FDFT1: variants seen among roughly 807,000 people sequenced by gnomAD.
FDFT1 encodes the protein squalene synthase.
A neutral mutation model predicts 46.8 loss-of-function variants in FDFT1; 68 were observed. The observed-to-expected ratio is 1.45, with a 90% confidence interval of 1.19 to 1.78. FDFT1 has a LOEUF of 1.78. Among genes scored for constraint, FDFT1 ranks in the 40% most tolerant of loss-of-function variants. FDFT1 has a pLI of 0.00. For missense variants in FDFT1, 928 were observed against 524.4 expected, an observed-to-expected ratio of 1.77 and a Z score of -7.52; for synonymous variants, 351 against 185.1, an observed-to-expected ratio of 1.90 and a Z score of -7.28.
At chr8:11,826,418 T>C (rs1810004099) in intron 5 of FDFT1, among the ~76,000 whole-genome samples, 1 of 152,220 alleles carries the variant, frequency 6.6e-6, no homozygotes, top group African/African-American at 2.4e-5. Context: ...GTAATCAGTA[T>C]ATTCAAGCCT....
In FDFT1 at chr8:11,838,456, G is replaced by A; in HGVS notation, c.1101G>A (p.Arg367=). The A allele has an allele frequency of 7.5e-6, 12 of 1,608,090 alleles. No individual in the cohort carries two copies. Among genetic ancestry groups the A allele is most frequent in the Non-Finnish European group, 1.0e-5 (12 of 1,176,658 alleles). The change falls in exon 8 of 8, where the codon CGG becomes CGA. Residue 367 remains arginine, a synonymous_variant. Transcript: ENST00000220584. ...CAAGGCAGATCATCTCCACCATCCG[G>A]ACGCAGAATCTTCCCAACTGTCAGC... ...SKTRQIISTI[R]TQNLPNCQLI...
At chr8:11,827,963 A>G (rs1479641048) in intron 5 of FDFT1, among the ~76,000 whole-genome samples, 1 of 152,092 alleles carries the variant, frequency 6.6e-6, no homozygotes, top group African/African-American at 2.4e-5. Context: ...GCACTTTGGG[A>G]AGCCCAGGTG....
rs138522229 is a variant in FDFT1 at position 11,833,013 on chromosome 8, C to A, written c.1032+1343C>A. On this transcript the variant is annotated intron_variant, in intron 7 of 7. Transcript: ENST00000220584. ...TTTCTCTTGCATATTGCACATTCTTCTTATACTTCCTCCCTACCTTTATCT... is the reference window on the plus strand; with the variant it reads ...TTTCTCTTGCATATTGCACATTCTTATTATACTTCCTCCCTACCTTTATCT... Among the ~76,000 whole-genome samples, 21 of 152,286 alleles carry A rather than the reference C, an allele frequency of 1.4e-4. No individual in the cohort carries two copies. In the East Asian group the frequency reaches 4.0e-3, roughly 29 times the overall value.
At chr8:11,832,545 TTG>T (rs1810945388) in intron 7 of FDFT1, among the ~76,000 whole-genome samples, 1 of 29,478 alleles carries the variant, frequency 3.4e-5, no homozygotes, top group African/African-American at 6.9e-5. Flanking sequence ...GAGTGAGACT[TTG>T]TCTCAAAAAA....
In FDFT1 at chr8:11,826,069, C is replaced by A. The variant is rs773242239; in HGVS notation, c.556C>A (p.Leu186Ile). 1.2e-6 allele frequency: 2 copies of A among 1,605,376 alleles called. No individual in the cohort carries two copies. The highest frequency in any genetic ancestry group is 1.7e-6 in the Non-Finnish European group (2 of 1,173,252). ...GCTGGTCGGAATTGGCCTTTCCCGT[C>A]TTTTCTCAGCCTCAGAGTTTGAAGA... ...AGLVGIGLSR[L>I]FSASEFEDPL... The change falls in exon 5 of 8, where the codon CTT becomes ATT. Residue 186 changes from leucine to isoleucine, a missense_variant. Transcript: ENST00000220584.
chr8:11,797,413 G>T (rs969919636), upstream of FDFT1, among the ~76,000 whole-genome samples: 10 of 152,240 alleles, frequency 6.6e-5, no homozygotes, highest in Middle Eastern at 3.4e-3. Flanking sequence ...TAACATGTCT[G>T]TTTCTTCCTC....
Position 11,826,212 on chromosome 8 carries a change from A to G in FDFT1, c.699A>G (p.Gln233=), listed in dbSNP as rs1585968630. ...DQQGGREFWP[Q]EVWSRYVKKL... Reference sequence around the variant, plus strand: ...AAGGAGGAAGAGAGTTCTGGCCTCAAGAGGTAACAGATTCAGGGTATTTTG... The same window carrying G: ...AAGGAGGAAGAGAGTTCTGGCCTCAGGAGGTAACAGATTCAGGGTATTTTG... The change falls in exon 5 of 8, where the codon CAA becomes CAG. Residue 233 remains glutamine, a synonymous_variant. Coordinates refer to ENST00000220584, the MANE Select transcript of FDFT1 (RefSeq NM_004462.5). The G allele has an allele frequency of 1.3e-6, 2 of 1,532,504 alleles. No homozygotes were observed. Among genetic ancestry groups the G allele is most frequent in the Non-Finnish European group, 1.8e-6 (2 of 1,125,668 alleles). 94.9% of individuals were successfully genotyped at this position (1,532,504 alleles called of 1,614,324 possible). A position where few individuals can be genotyped will look rare whatever the true frequency, so the allele number is the denominator to read the frequency against.
Position 11,803,259 on chromosome 8 carries a change from A to G in FDFT1, c.99+328A>G, listed in dbSNP as rs542070970. 4.7e-5 allele frequency: 63 copies of G among 1,349,040 alleles called. No individual in the cohort carries two copies. The South Asian group carries it at 6.0e-4, about 13-fold the overall frequency. The allele number at this position is 1,349,040 out of a possible 1,614,324, so 83.6% of individuals were successfully genotyped here. Reference sequence around the variant, plus strand: ...ACCCGAGGGTTACACATCTGAGGCAATGTGGGTGGGTTACGCGGGAGAGGA... The same window carrying G: ...ACCCGAGGGTTACACATCTGAGGCAGTGTGGGTGGGTTACGCGGGAGAGGA... On this transcript the variant is annotated intron_variant, in intron 1 of 7. Transcript: ENST00000220584.
chr8:11,795,644 T>G (rs1400135226), exon 1 of FDFT1: 1 of 151,792 alleles, frequency 6.6e-6, no homozygotes, highest in Non-Finnish European at 1.5e-5. Flanking sequence ...TAAATTTTAA[T>G]ACTTGTCTGT....
intron 7 of FDFT1, among the ~76,000 whole-genome samples, chr8:11,835,078 G>A (rs558064220): frequency 1.3e-5 from 2 of 152,252 alleles, no homozygotes; most frequent in Non-Finnish European, 1.5e-5. Context: ...GAGCTGAGAT[G>A]GCACCACTGC....
chr8:11,804,882 T>G (rs927928342), intron 1 of FDFT1, among the ~76,000 whole-genome samples: 10 of 151,208 alleles, frequency 6.6e-5, no homozygotes, highest in Non-Finnish European at 2.9e-5. Context: ...GTGCTAGGAT[T>G]ACAGGCGTGA....
At chr8:11,829,359 C>G (rs1270738101) in intron 5 of FDFT1, among the ~76,000 whole-genome samples, 1 of 152,204 alleles carries the variant, frequency 6.6e-6, no homozygotes, top group African/African-American at 2.4e-5. Flanking sequence ...TAAAAATCAT[C>G]AAGCCGAATC....
chr8:11,838,829 C>T lies in FDFT1; in HGVS notation c.*220C>T, dbSNP rs977470363. 4 of 561,124 alleles carry T rather than the reference C, an allele frequency of 7.1e-6. No homozygotes were observed. Among genetic ancestry groups the T allele is most frequent in the African/African-American group, 3.8e-5 (2 of 53,110 alleles). 34.8% of individuals were successfully genotyped at this position (561,124 alleles called of 1,614,324 possible). On this transcript the variant is annotated 3_prime_UTR_variant, in exon 8 of 8. Transcript: ENST00000220584. The stretch of plus-strand genomic sequence containing the variant: ...GCAACCTGTCCTTGTGGGTGATGAT[C>T]ACTGTGCTGCTTGTGGCTCATGGCA...
chr8:11,831,809 T>A, intron 7 of FDFT1, 139 bp downstream of exon 7: 1 of 744,348 alleles, frequency 1.3e-6, no homozygotes, highest in Non-Finnish European at 2.2e-6. Context: ...ATTGATATCC[T>A]TTATAAGGAA....
At chr8:11,808,556 C>G (rs961756590) in intron 1 of FDFT1, 5 of 1,367,740 alleles carry the variant, frequency 3.7e-6, no homozygotes, top group African/African-American at 1.5e-5. Context: ...CCATGGCCCT[C>G]TTCAAGCGCA....
intron 5 of FDFT1, 38 bp downstream of exon 5, chr8:11,826,253 A>C: frequency 1.4e-6 from 2 of 1,409,224 alleles, no homozygotes; most frequent in Non-Finnish European, 9.5e-7. Flanking sequence ...AAATAACTTT[A>C]GACATTCTCT....
chr8:11,814,076 C>G (rs1381054140), intron 3 of FDFT1, among the ~76,000 whole-genome samples: 1 of 152,140 alleles, frequency 6.6e-6, no homozygotes. Flanking sequence ...AAGCTCCTTC[C>G]CACCCTCATT....
In FDFT1 at chr8:11,808,910, G is replaced by C; in HGVS notation, c.197+19G>C. ...AAATGCGGTGAGTGATGGAGGCAGC[G>C]CCTCTGGCTTGGAGGAAAGCTTGTC... On this transcript the variant is annotated intron_variant, in intron 2 of 7. Coordinates refer to ENST00000220584, the MANE Select transcript of FDFT1 (RefSeq NM_004462.5). 2 of 1,609,962 alleles carry C rather than the reference G, an allele frequency of 1.2e-6. No individual in the cohort carries two copies. The highest frequency in any genetic ancestry group is 1.7e-6 in the Non-Finnish European group (2 of 1,178,146).
intron 4 of FDFT1, among the ~76,000 whole-genome samples, chr8:11,824,333 T>C (rs1485319794): frequency 2.0e-5 from 3 of 152,236 alleles, no homozygotes; most frequent in Admixed American, 6.5e-5. Context: ...AAAAAGTATT[T>C]GGCAATTAAG....
Sources: allele counts gnomAD v4.1 joint callset (sites outside exome capture counted in the v4.1 genomes callset), GRCh38; gene constraint gnomAD v4.1.1; transcripts MANE v1.5; gene names NCBI Gene and HGNC (gene_info 2026-07-23, HGNC 2026-07-21).